The following NSMCE2 variants were observed in gnomAD, a reference collection of about 807,000 sequenced individuals.
NSMCE2 encodes the protein NSE2 SUMO ligase component of SMC5/6 complex, also known as E3 SUMO-protein ligase NSE2.
In NSMCE2, 24 loss-of-function variants were observed where a neutral mutation model predicts 23.8. The ratio of observed to expected loss-of-function variants is 1.01; its 90% CI spans 0.73 to 1.42. The LOEUF (loss-of-function observed/expected upper bound fraction) is 1.42. Ranked by LOEUF, NSMCE2 falls within the 40% of genes most tolerant of loss-of-function variation. NSMCE2 has a pLI of 0.00. For missense variants in NSMCE2, 284 were observed against 296.5 expected (o/e 0.96, Z 0.31); for synonymous variants, 92 against 94.1 (o/e 0.98, Z 0.13).
intron 5 of NSMCE2, among the ~76,000 whole-genome samples, chr8:125,193,940 T>A (rs1823479872): frequency 6.6e-6 from 1 of 152,232 alleles, no homozygotes; most frequent in South Asian, 2.1e-4. Flanking sequence ...CAGGTCCTTG[T>A]CACTTTGTCC....
At chr8:125,197,523 T>C (rs1270895631) in intron 5 of NSMCE2, among the ~76,000 whole-genome samples, 5 of 152,338 alleles carry the variant, frequency 3.3e-5, no homozygotes, top group Middle Eastern at 6.8e-3. Context: ...TGTGGTGTTA[T>C]TTCTGAGGCC....
At chr8:125,303,575 C>T (rs1329216849) in intron 5 of NSMCE2, among the ~76,000 whole-genome samples, 1 of 152,072 alleles carries the variant, frequency 6.6e-6, no homozygotes, top group Non-Finnish European at 1.5e-5. Flanking sequence ...GGCTTCTGCA[C>T]CCCCTCTCGC....
intron 5 of NSMCE2, among the ~76,000 whole-genome samples, chr8:125,227,332 G>C (rs993884676): frequency 6.6e-6 from 1 of 152,180 alleles, no homozygotes; most frequent in South Asian, 2.1e-4. Flanking sequence ...TCAGATAGCA[G>C]TGAGAAGATG....
At chr8:125,288,977 TTATAG>T (rs1417026689) in intron 5 of NSMCE2, among the ~76,000 whole-genome samples, 2 of 151,982 alleles carry the variant, frequency 1.3e-5, no homozygotes, top group Non-Finnish European at 2.9e-5. Flanking sequence ...TTTTGACTTT[TTATAG>T]AGATGGTCAG....
chr8:125,207,355 G>A lies in NSMCE2; in HGVS notation c.418+25099G>A, dbSNP rs1401546527. Reference sequence around the variant, plus strand: ...TCATAGCACATAAAGTGATATAAATGAGGTATACACATTTATTAGATAATA... The same window carrying A: ...TCATAGCACATAAAGTGATATAAATAAGGTATACACATTTATTAGATAATA... On this transcript the variant is annotated intron_variant, in intron 5 of 7. Transcript: ENST00000287437. 2.0e-5 allele frequency among the ~76,000 whole-genome samples: 3 copies of A among 152,226 alleles called. No homozygotes were observed. In the East Asian group the frequency reaches 5.8e-4, roughly 29 times the overall value.
intron 7 of NSMCE2, among the ~76,000 whole-genome samples, chr8:125,364,073 A>G (rs776993140): frequency 1.3e-5 from 2 of 152,042 alleles, no homozygotes; most frequent in Non-Finnish European, 2.9e-5. Flanking sequence ...CCTCACGAGT[A>G]GCTGGGATTA....
chr8:125,189,521 A>T (rs2130822986), intron 5 of NSMCE2, among the ~76,000 whole-genome samples: 1 of 152,368 alleles, frequency 6.6e-6, no homozygotes, highest in East Asian at 1.9e-4. Flanking sequence ...CTAATAGTTG[A>T]TAGGAGGCTT....
intron 3 of NSMCE2, among the ~76,000 whole-genome samples, chr8:125,115,336 A>T (rs932552313): frequency 5.3e-5 from 8 of 152,220 alleles, no homozygotes; most frequent in Non-Finnish European, 1.5e-5. Context: ...AGGTTTGGGA[A>T]AGGGCTTTAA....
chr8:125,261,961 G>C (rs1259102090), intron 5 of NSMCE2, among the ~76,000 whole-genome samples: 1 of 151,858 alleles, frequency 6.6e-6, no homozygotes, highest in East Asian at 1.9e-4. Flanking sequence ...GCCAGGTGTG[G>C]TGGCGCACAC....
intron 5 of NSMCE2, among the ~76,000 whole-genome samples, chr8:125,310,951 C>T (rs200689096): frequency 1.4e-3 from 214 of 152,236 alleles, no homozygotes; most frequent in African/African-American, 5.0e-3. Flanking sequence ...TATATTAGAT[C>T]GCAAGGGGGA....
intron 5 of NSMCE2, among the ~76,000 whole-genome samples, chr8:125,339,974 T>C (rs2131321579): frequency 6.6e-6 from 1 of 151,422 alleles, no homozygotes; most frequent in South Asian, 2.1e-4. Flanking sequence ...CTCCTGATCC[T>C]GGGAAACCAT....
At position 125,250,333 on chromosome 8, in the gene NSMCE2, T is replaced by TA. The variant is rs35831885; in HGVS notation, c.418+68086dup. Among the ~76,000 whole-genome samples the TA allele has an allele frequency of 4.4e-4, 66 of 151,566 alleles. 1 individual carries two copies. The highest frequency in any genetic ancestry group is 2.3e-3 in the East Asian group (12 of 5,166). Reference sequence around the variant, plus strand: ...AAGATAGTTATAATGTTTTTCTTTTTAAAAAAAAAGCATCCTTTCATCCAC... The same window carrying TA: ...AAGATAGTTATAATGTTTTTCTTTTTAAAAAAAAAAGCATCCTTTCATCCAC... On this transcript the variant is annotated intron_variant, in intron 5 of 7. Coordinates refer to ENST00000287437, the MANE Select transcript of NSMCE2 (RefSeq NM_173685.4).
intron 1 of NSMCE2, among the ~76,000 whole-genome samples, chr8:125,097,777 C>G (rs2130327082): frequency 6.6e-6 from 1 of 152,152 alleles, no homozygotes; most frequent in East Asian, 1.9e-4. Context: ...TCTGGAATAT[C>G]AAATAGTTAA....
chr8:125,281,466 G>T (rs1827692814), intron 5 of NSMCE2, among the ~76,000 whole-genome samples: 1 of 152,076 alleles, frequency 6.6e-6, no homozygotes, highest in Non-Finnish European at 1.5e-5. Context: ...TCTAGAGAGG[G>T]TCTTGCTCTG....
intron 5 of NSMCE2, among the ~76,000 whole-genome samples, chr8:125,285,768 AC>A (rs1827868415): frequency 1.3e-5 from 2 of 151,990 alleles, no homozygotes; most frequent in African/African-American, 2.4e-5. Flanking sequence ...ACACACACAC[AC>A]ACACACACAC....
chr8:125,287,516 A>G (rs986312758), intron 5 of NSMCE2, among the ~76,000 whole-genome samples: 2 of 152,140 alleles, frequency 1.3e-5, no homozygotes, highest in African/African-American at 4.8e-5. Flanking sequence ...CCTTGTTAAA[A>G]TAAATGACCT....
chr8:125,092,009 A>G (rs1354094434), intron 1 of NSMCE2, 51 bp downstream of exon 1: 4 of 152,050 alleles, frequency 2.6e-5, no homozygotes, highest in Admixed American at 6.5e-5. Flanking sequence ...GAGTTTCGCC[A>G]CCCTCAGGGA....
chr8:125,301,704 G>GA (rs1828571710), intron 5 of NSMCE2, among the ~76,000 whole-genome samples: 1 of 148,486 alleles, frequency 6.7e-6, no homozygotes, highest in Admixed American at 6.7e-5. Context: ...ACCTAGGCTG[G>GA]AGGGCTGGAG....
intron 5 of NSMCE2, among the ~76,000 whole-genome samples, chr8:125,237,255 A>G (rs931823388): frequency 1.3e-5 from 2 of 152,204 alleles, no homozygotes; most frequent in Non-Finnish European, 2.9e-5. Flanking sequence ...ACATAATCTT[A>G]AGAGACATAA....
Sources: allele counts gnomAD v4.1 joint callset (sites outside exome capture counted in the v4.1 genomes callset), GRCh38; gene constraint gnomAD v4.1.1; transcripts MANE v1.5; gene names NCBI Gene and HGNC (gene_info 2026-07-23, HGNC 2026-07-21).